Variants in IKBKB-DT observed in about 807,000 individuals in gnomAD.
IKBKB-DT encodes the protein IKBKB antisense RNA.
chr8:42,262,438 A>ATTTATTTG (rs1807302844), intron 3 of IKBKB-DT, among the ~76,000 whole-genome samples: 1 of 151,116 alleles, frequency 6.6e-6, no homozygotes, highest in Admixed American at 6.6e-5. Context: ...TTATTTATTT[A>ATTTATTTG]TTTATTTATT....
intron 3 of IKBKB-DT, among the ~76,000 whole-genome samples, chr8:42,262,261 A>T (rs1296966544): frequency 6.6e-6 from 1 of 151,554 alleles, no homozygotes; most frequent in African/African-American, 2.4e-5. Context: ...GTGCACATGT[A>T]CCCTAAAACT....
chr8:42,251,334 C>A (rs147906110), intron 3 of IKBKB-DT, among the ~76,000 whole-genome samples: 1 of 152,154 alleles, frequency 6.6e-6, no homozygotes, highest in Non-Finnish European at 1.5e-5. Context: ...TGGAGCAGGA[C>A]CTCACAATCT....
chr8:42,264,540 T>A (rs1807344249), intron 2 of IKBKB-DT, among the ~76,000 whole-genome samples: 1 of 152,106 alleles, frequency 6.6e-6, no homozygotes, highest in African/African-American at 2.4e-5. Flanking sequence ...TACAAAAGGG[T>A]AGCTTTTAAA....
rs55662464 is a variant in IKBKB-DT at position 42,239,636 on chromosome 8, T to TATATATATATATATATATATATATATA, written n.1530-5778_1530-5777insTATATATATATATATATATATATATAT. ...AATTTATATATATATATATATATAT[T>TATATATATATATATATATATATATATA]TATTTATTTATTCATTTTTTTTTTT... On this transcript the variant is annotated intron_variant and non_coding_transcript_variant, in intron 3 of 3. Transcript: ENST00000518213. Among the ~76,000 whole-genome samples the TATATATATATATATATATATATATATA allele has an allele frequency of 3.7e-3, 104 of 28,046 alleles. 3 individuals carry two copies. Among genetic ancestry groups the TATATATATATATATATATATATATATA allele is most frequent in the Non-Finnish European group, 4.7e-3 (66 of 14,060 alleles). The allele number at this position is 28,046 out of a possible 152,430, so 18.4% of individuals were successfully genotyped here.
At chr8:42,264,208 A>T (rs1303874324) in intron 2 of IKBKB-DT, among the ~76,000 whole-genome samples, 1 of 151,224 alleles carries the variant, frequency 6.6e-6, no homozygotes, top group Admixed American at 6.6e-5. Flanking sequence ...TTATATTTTT[A>T]AAAATTAATT....
rs182664678 is a variant in IKBKB-DT at position 42,269,110 on chromosome 8, G to A, written n.603+1541C>T. Among the ~76,000 whole-genome samples, 314 of 151,506 alleles carry A rather than the reference G, an allele frequency of 2.1e-3. 1 individual carries two copies. Among genetic ancestry groups the A allele is most frequent in the Admixed American group, 0.017 (252 of 15,186 alleles). On this transcript the variant is annotated intron_variant and non_coding_transcript_variant, in intron 1 of 3. Transcript: ENST00000518213. Reference sequence around the variant, plus strand: ...CGGGAGGATTGCTTTGAGGCCAGGAGTTCAAGCCAAGTCTGAGCAACATAG... The same window carrying A: ...CGGGAGGATTGCTTTGAGGCCAGGAATTCAAGCCAAGTCTGAGCAACATAG...
intron 1 of IKBKB-DT, among the ~76,000 whole-genome samples, chr8:42,266,993 G>GC (rs1807380040): frequency 7.4e-6 from 1 of 135,542 alleles, no homozygotes; most frequent in Non-Finnish European, 1.6e-5. Context: ...TTTTTTGTTT[G>GC]TTTTTTTTTT....
chr8:42,261,248 G>A (rs1807284520), intron 3 of IKBKB-DT, among the ~76,000 whole-genome samples: 2 of 152,120 alleles, frequency 1.3e-5, no homozygotes, highest in Admixed American at 1.3e-4. Flanking sequence ...GATTGCTTAA[G>A]CCTGAGGAGG....
chr8:42,270,896 A>AC, exon 1 of IKBKB-DT: 1 of 164,490 alleles, frequency 6.1e-6, no homozygotes, highest in Non-Finnish European at 1.3e-5. Flanking sequence ...CCAGCCAAGC[A>AC]CCCCCCAGAC....
chr8:42,269,528 G>A (rs1276764061), intron 1 of IKBKB-DT, among the ~76,000 whole-genome samples: 1 of 109,598 alleles, frequency 9.1e-6, no homozygotes, highest in Non-Finnish European at 1.8e-5. Context: ...TAGGAAGGAA[G>A]GAAAAGAAGG....
At chr8:42,240,550 G>A (rs963540306) in intron 3 of IKBKB-DT, among the ~76,000 whole-genome samples, 4 of 147,624 alleles carry the variant, frequency 2.7e-5, no homozygotes, top group East Asian at 2.0e-4. Flanking sequence ...GTGTGAACCC[G>A]GGAGGTAGAG....
At chr8:42,267,004 G>GTTTTT (rs527900913) in intron 1 of IKBKB-DT, among the ~76,000 whole-genome samples, 1 of 125,606 alleles carries the variant, frequency 8.0e-6, no homozygotes, top group Non-Finnish European at 1.6e-5. Context: ...TTTTTTTTTT[G>GTTTTT]TTTTTTTTTT....
intron 3 of IKBKB-DT, among the ~76,000 whole-genome samples, chr8:42,255,796 C>T (rs1038710064): frequency 3.9e-5 from 6 of 151,910 alleles, no homozygotes; most frequent in African/African-American, 7.3e-5. Context: ...GAGGCCGAGG[C>T]GGGTGGATCA....
At chr8:42,237,172 C>T (rs149015639) in intron 3 of IKBKB-DT, among the ~76,000 whole-genome samples, 5 of 152,102 alleles carry the variant, frequency 3.3e-5, no homozygotes, top group East Asian at 3.9e-4. Context: ...CTGCAATCTC[C>T]GCCTCCCGGG....
intron 1 of IKBKB-DT, among the ~76,000 whole-genome samples, chr8:42,269,226 G>A (rs1051405758): frequency 6.6e-5 from 10 of 150,824 alleles, no homozygotes; most frequent in South Asian, 2.1e-4. Context: ...AGGCTGAGGC[G>A]GGAGGACCCC....
chr8:42,260,157 A>G lies in IKBKB-DT; in HGVS notation n.1529+3172T>C, dbSNP rs989479053. Among the ~76,000 whole-genome samples, 61 of 152,282 alleles carry G rather than the reference A, an allele frequency of 4.0e-4. 1 individual carries two copies. The highest frequency in any genetic ancestry group is 2.6e-3 in the Admixed American group (40 of 15,282). On this transcript the variant is annotated intron_variant and non_coding_transcript_variant, in intron 3 of 3. Coordinates refer to ENST00000518213, the Ensembl canonical transcript of IKBKB-DT. Reference sequence around the variant, plus strand: ...GCCAGTAAAGTCCCATATTATCCTCAGAAAAACTGTGCCAACCATAGGGAA... The same window carrying G: ...GCCAGTAAAGTCCCATATTATCCTCGGAAAAACTGTGCCAACCATAGGGAA...
chr8:42,235,205 CTTTTTTT>C (rs746414963), intron 3 of IKBKB-DT, among the ~76,000 whole-genome samples: 1 of 99,402 alleles, frequency 1.0e-5, no homozygotes, highest in East Asian at 2.8e-4. Flanking sequence ...CTTTTATTTT[CTTTTTTT>C]TTTTTTTTTT....
Position 42,239,614 on chromosome 8 carries a change from T to TTATATA in IKBKB-DT, n.1530-5761_1530-5756dup, listed in dbSNP as rs113469700. Among the ~76,000 whole-genome samples, 59 of 19,910 alleles carry TTATATA rather than the reference T, an allele frequency of 3.0e-3. 7 individuals are homozygous for TTATATA. Among genetic ancestry groups the TTATATA allele is most frequent in the South Asian group, 7.2e-3 (3 of 416 alleles). 13.1% of individuals were successfully genotyped at this position (19,910 alleles called of 152,430 possible). ...CCAACCAATTTTTGTAAAAGGCAAT[T>TTATATA]TATATATATATATATATATATTTAT... On this transcript the variant is annotated intron_variant and non_coding_transcript_variant, in intron 3 of 3. Transcript: ENST00000518213.
At chr8:42,247,635 G>A (rs1194735623) in intron 3 of IKBKB-DT, among the ~76,000 whole-genome samples, 4 of 152,084 alleles carry the variant, frequency 2.6e-5, no homozygotes, top group African/African-American at 7.2e-5. Flanking sequence ...ATCTTGAATT[G>A]TAATCCTCAG....
Sources: allele counts gnomAD v4.1 joint callset (sites outside exome capture counted in the v4.1 genomes callset), GRCh38; gene constraint gnomAD v4.1.1; transcripts MANE v1.5; gene names NCBI Gene and HGNC (gene_info 2026-07-23, HGNC 2026-07-21).